Variants in CCDC148 observed in about 807,000 individuals in gnomAD.
The protein encoded by CCDC148 is coiled-coil domain-containing protein 148.
A neutral mutation model predicts 85.7 loss-of-function variants in CCDC148; 89 were observed. The ratio of observed to expected loss-of-function variants is 1.04; its 90% CI spans 0.87 to 1.24. CCDC148 has a LOEUF of 1.24. CCDC148 is among the 50% of genes most tolerant of loss of function. The pLI is 0.00. For synonymous variants in CCDC148, 230 were observed against 213.9 expected, an observed-to-expected ratio of 1.08 and a Z score of -0.66; for missense variants, 692 against 671.7, an observed-to-expected ratio of 1.03 and a Z score of -0.33.
At chr2:158,278,425 A>T (rs1690070752) in intron 9 of CCDC148, among the ~76,000 whole-genome samples, 2 of 152,188 alleles carry the variant, frequency 1.3e-5, no homozygotes, top group African/African-American at 2.4e-5. Flanking sequence ...TCCCACCCTA[A>T]TACCGCACTT....
chr2:158,328,319 C>T (rs1399475179), intron 7 of CCDC148, among the ~76,000 whole-genome samples: 2 of 152,126 alleles, frequency 1.3e-5, no homozygotes, highest in Non-Finnish European at 2.9e-5. Context: ...CAGCTTCATA[C>T]ATGTCCCTAC....
intron 1 of CCDC148, among the ~76,000 whole-genome samples, chr2:158,384,396 G>A (rs529501820): frequency 2.6e-5 from 4 of 152,250 alleles, no homozygotes; most frequent in Non-Finnish European, 2.9e-5. Context: ...CTGGAGGAGG[G>A]GTCTGGTGGG....
intron 11 of CCDC148, among the ~76,000 whole-genome samples, chr2:158,183,338 T>A (rs1684996445): frequency 6.6e-6 from 1 of 152,140 alleles, no homozygotes. Context: ...CTCTAAGAAA[T>A]GAGTATACAA....
intron 11 of CCDC148, among the ~76,000 whole-genome samples, chr2:158,195,037 C>A (rs1685601025): frequency 6.6e-6 from 1 of 151,894 alleles, no homozygotes; most frequent in South Asian, 2.1e-4. Flanking sequence ...TCACTCCATG[C>A]TGGTCCTGGG....
chr2:158,184,854 TTC>T (rs1468288247), intron 11 of CCDC148, among the ~76,000 whole-genome samples: 2 of 152,180 alleles, frequency 1.3e-5, no homozygotes, highest in East Asian at 3.9e-4. Context: ...GCTCCAAAGT[TTC>T]TGATTCAGTA....
intron 2 of CCDC148, among the ~76,000 whole-genome samples, chr2:158,351,444 T>C (rs886095967): frequency 6.1e-5 from 8 of 130,518 alleles, no homozygotes; most frequent in African/African-American, 2.3e-4. Context: ...GGTCAGGGAG[T>C]TCCCTTTCCG....
chr2:158,289,022 T>C (rs192032186), intron 9 of CCDC148, among the ~76,000 whole-genome samples: 258 of 152,264 alleles, frequency 1.7e-3, no homozygotes, highest in Non-Finnish European at 2.5e-3. Flanking sequence ...ATTATGAGAA[T>C]AGCATGGGAA....
chr2:158,241,204 C>A (rs1180786216), intron 10 of CCDC148, among the ~76,000 whole-genome samples: 1 of 152,180 alleles, frequency 6.6e-6, no homozygotes, highest in East Asian at 1.9e-4. Context: ...CATGCATATA[C>A]ATATATTTGC....
chr2:158,281,663 A>C (rs999417781), intron 9 of CCDC148, among the ~76,000 whole-genome samples: 1 of 152,196 alleles, frequency 6.6e-6, no homozygotes, highest in Non-Finnish European at 1.5e-5. Context: ...AGAGTCCAGG[A>C]CCAGATGGAT....
intron 1 of CCDC148, among the ~76,000 whole-genome samples, chr2:158,410,265 T>C (rs949120340): frequency 1.3e-5 from 2 of 152,224 alleles, no homozygotes; most frequent in Admixed American, 1.3e-4. Context: ...AGTAAGTCTC[T>C]TGGAGACAAG....
At chr2:158,326,188 C>A (rs1240894878) in intron 7 of CCDC148, among the ~76,000 whole-genome samples, 1 of 152,188 alleles carries the variant, frequency 6.6e-6, no homozygotes, top group Non-Finnish European at 1.5e-5. Context: ...TCTTGCCAGG[C>A]ATACTCCCGC....
intron 11 of CCDC148, among the ~76,000 whole-genome samples, chr2:158,190,463 C>A (rs74445652): frequency 0.014 from 2,096 of 152,064 alleles, 48 homozygotes; most frequent in African/African-American, 0.048. Context: ...AAACACCTAT[C>A]AAGTAGACAA....
In CCDC148 at chr2:158,202,448, G is replaced by A. The variant is rs527610898; in HGVS notation, c.1370+18147C>T. ...ATTTCAGTTAAGTTTTTCTAAAGGCGAGATAGAACCCAAGTATGTAAGAAT... is the reference window on the plus strand; with the variant it reads ...ATTTCAGTTAAGTTTTTCTAAAGGCAAGATAGAACCCAAGTATGTAAGAAT... On this transcript the variant is annotated intron_variant, in intron 11 of 13. Coordinates refer to ENST00000283233, the MANE Select transcript of CCDC148 (RefSeq NM_138803.4). 4.8e-4 allele frequency among the ~76,000 whole-genome samples: 73 copies of A among 152,264 alleles called. 1 individual carries two copies. The highest frequency in any genetic ancestry group is 1.3e-3 in the African/African-American group (52 of 41,564).
chr2:158,359,453 G>T (rs577781641), intron 1 of CCDC148, among the ~76,000 whole-genome samples: 1 of 152,266 alleles, frequency 6.6e-6, no homozygotes, highest in Admixed American at 6.5e-5. Flanking sequence ...CAGAAGGTGG[G>T]TGATTTCTGC....
chr2:158,284,647 T>C (rs772659057), intron 9 of CCDC148, among the ~76,000 whole-genome samples: 1 of 152,216 alleles, frequency 6.6e-6, no homozygotes, highest in Non-Finnish European at 1.5e-5. Flanking sequence ...TCCTGGACTT[T>C]TAATGCTTTC....
At chr2:158,274,433 T>C (rs569487483) in intron 9 of CCDC148, among the ~76,000 whole-genome samples, 1 of 152,336 alleles carries the variant, frequency 6.6e-6, no homozygotes, top group African/African-American at 2.4e-5. Context: ...AGTCACTGTG[T>C]TAAACATAGG....
intron 11 of CCDC148, among the ~76,000 whole-genome samples, chr2:158,198,728 T>C (rs957610907): frequency 2.6e-5 from 4 of 152,186 alleles, no homozygotes; most frequent in African/African-American, 2.4e-5. Flanking sequence ...GTTTGTAGGA[T>C]AGAAAAATCA....
At chr2:158,260,778 G>T (rs909776348) in intron 9 of CCDC148, among the ~76,000 whole-genome samples, 1 of 151,818 alleles carries the variant, frequency 6.6e-6, no homozygotes, top group African/African-American at 2.4e-5. Flanking sequence ...GTCACAAAAA[G>T]AATAAAATAC....
At chr2:158,432,728 A>G (rs1191231321) in intron 1 of CCDC148, among the ~76,000 whole-genome samples, 2 of 152,098 alleles carry the variant, frequency 1.3e-5, no homozygotes, top group Non-Finnish European at 2.9e-5. Flanking sequence ...ACACACCCCA[A>G]GTCTTTTCAA....
Sources: gnomAD v4.1 joint callset for allele counts (sites outside exome capture counted in the v4.1 genomes callset) on GRCh38, gnomAD v4.1.1 for gene constraint, MANE v1.5 for transcripts, NCBI Gene and HGNC (gene_info 2026-07-23, HGNC 2026-07-21) for gene names.